GANC: variants seen among roughly 807,000 people sequenced by gnomAD.
The protein encoded by GANC is glucosidase alpha, neutral C.
In GANC, 117 loss-of-function variants were observed where a neutral mutation model predicts 124.2. That is an observed-to-expected ratio of 0.94 (90% CI 0.81 to 1.10). The LOEUF is 1.10. Among genes scored for constraint, GANC ranks in the 50% least tolerant of loss-of-function variants. The pLI is 0.00. For synonymous variants in GANC, 377 were observed against 376.8 expected (o/e 1.00, Z -0.01); for missense variants, 1,140 against 1,095.0 (o/e 1.04, Z -0.58).
At chr15:42,312,427 A>G (rs1190626669) in intron 10 of GANC, among the ~76,000 whole-genome samples, 1 of 152,154 alleles carries the variant, frequency 6.6e-6, no homozygotes, top group Non-Finnish European at 1.5e-5. Flanking sequence ...TCCCTGCACA[A>G]GCACTCTCTT....
At chr15:42,318,742 C>T (rs1372469607) in intron 10 of GANC, among the ~76,000 whole-genome samples, 1 of 152,110 alleles carries the variant, frequency 6.6e-6, no homozygotes, top group Admixed American at 6.5e-5. Flanking sequence ...GCATGTGCCA[C>T]CATGCCCAAC....
At chr15:42,305,351 T>C (rs2051984381) in intron 6 of GANC, among the ~76,000 whole-genome samples, 2 of 152,144 alleles carry the variant, frequency 1.3e-5, no homozygotes, top group South Asian at 4.1e-4. Context: ...CAAAAAAAGC[T>C]CATCATCACT....
In GANC at chr15:42,314,267, A is replaced by G. The variant is rs567639874; in HGVS notation, c.1057+3421A>G. On this transcript the variant is annotated intron_variant, in intron 10 of 23. Coordinates refer to ENST00000318010, the MANE Select transcript of GANC (RefSeq NM_198141.3). Reference sequence around the variant, plus strand: ...TACCCAGCATGGAATTTAAAGCCTGATGAGGAAAGGGGGCATTTTCTCAGC... The same window carrying G: ...TACCCAGCATGGAATTTAAAGCCTGGTGAGGAAAGGGGGCATTTTCTCAGC... The G allele has an allele frequency of 1.1e-5, 7 of 664,080 alleles. No homozygotes were observed. The African/African-American group carries it at 1.1e-4, about 10-fold the overall frequency. The allele number at this position is 664,080 out of a possible 1,614,324, so 41.1% of individuals were successfully genotyped here.
At chr15:42,349,567 A>C in intron 22 of GANC, 72 bp downstream of exon 22, 1 of 769,192 alleles carries the variant, frequency 1.3e-6, no homozygotes, top group Non-Finnish European at 2.2e-6. Flanking sequence ...CTCAAATCAA[A>C]TGCACAGGTA....
chr15:42,346,179 GAT>G (rs1478597229), intron 20 of GANC, among the ~76,000 whole-genome samples: 2 of 152,168 alleles, frequency 1.3e-5, no homozygotes, highest in Non-Finnish European at 2.9e-5. Context: ...ATAAAGGCCT[GAT>G]CTCCAAATAT....
chr15:42,299,757 C>T (rs956667674), intron 6 of GANC, among the ~76,000 whole-genome samples: 15 of 152,082 alleles, frequency 9.9e-5, no homozygotes, highest in African/African-American at 3.4e-4. Context: ...CCAAAACAGA[C>T]ATATAGACCA....
At chr15:42,345,893 C>A in intron 20 of GANC, 61 bp downstream of exon 20, 1 of 1,181,618 alleles carries the variant, frequency 8.5e-7, no homozygotes, top group Non-Finnish European at 1.2e-6. Flanking sequence ...CTAGGGCTGC[C>A]ATGACAAAAT....
intron 21 of GANC, 38 bp from the exon 22 acceptor site, chr15:42,349,345 C>CT (rs2052399062): frequency 8.2e-7 from 1 of 1,223,394 alleles, no homozygotes; most frequent in Non-Finnish European, 1.2e-6. Context: ...GTAAAGCTAT[C>CT]ATATAAGCAC....
At chr15:42,316,796 A>C (rs1481864263) in intron 10 of GANC, among the ~76,000 whole-genome samples, 1 of 152,190 alleles carries the variant, frequency 6.6e-6, no homozygotes, top group African/African-American at 2.4e-5. Context: ...GGGCCTTCCC[A>C]GGTACTGGTG....
intron 3 of GANC, chr15:42,281,023 A>C (rs551352164): frequency 7.1e-6 from 5 of 702,570 alleles, no homozygotes; most frequent in African/African-American, 1.7e-5. Flanking sequence ...CACCTGGCTC[A>C]AAAGGAAGCT....
intron 10 of GANC, among the ~76,000 whole-genome samples, chr15:42,312,096 A>G (rs1024157853): frequency 6.6e-6 from 1 of 152,258 alleles, no homozygotes; most frequent in African/African-American, 2.4e-5. Context: ...TGGCAGTAAT[A>G]TAGAAAGTGA....
At position 42,339,922 on chromosome 15, in the gene GANC, C is replaced by G; in HGVS notation, c.2087+10C>G. 6.2e-7 allele frequency: 1 copy of G among 1,608,674 alleles called. No individual in the cohort carries two copies. The highest frequency in any genetic ancestry group is 2.2e-5 in the East Asian group (1 of 44,766). On this transcript the variant is annotated intron_variant, in intron 17 of 23. Coordinates refer to ENST00000318010, the MANE Select transcript of GANC (RefSeq NM_198141.3). ...CCCAACCTGTCATGAGGTAAAAAAG[C>G]TTCATCCATTCAGGGACCCCAGCAA... is the stretch of plus-strand genomic sequence containing the variant.
rs201431407 is a variant in GANC, at chr15:42,273,368, G to A, written c.-1114G>A. The A allele has an allele frequency of 1.2e-6, 2 of 1,614,092 alleles. No individual in the cohort carries two copies. Among genetic ancestry groups the A allele is most frequent in the East Asian group, 4.5e-5 (2 of 44,880 alleles). On this transcript the variant is annotated 5_prime_UTR_variant, in exon 1 of 24. Transcript: ENST00000318010. ...GCTCCCAGAAGCAGAAGAATGACAG[G>A]CAACACCTGAAGCCACGCAGCCGCC...
In GANC at chr15:42,273,243, G is replaced by A. The variant is rs1357050052; in HGVS notation, c.-1239G>A. The A allele has an allele frequency of 3.1e-6, 5 of 1,613,902 alleles. No individual in the cohort carries two copies. Among genetic ancestry groups the A allele is most frequent in the Non-Finnish European group, 3.4e-6 (4 of 1,179,978 alleles). ...TCCTCTAGGTTCAGACGTTAGTGAAGTGAATACTCACCGACGGTATCGGAA... is the reference window on the plus strand; with the variant it reads ...TCCTCTAGGTTCAGACGTTAGTGAAATGAATACTCACCGACGGTATCGGAA... On this transcript the variant is annotated 5_prime_UTR_variant, in exon 1 of 24. The change creates a new upstream start codon in the 5' untranslated region. Coordinates refer to ENST00000318010, the MANE Select transcript of GANC (RefSeq NM_198141.3).
intron 15 of GANC, among the ~76,000 whole-genome samples, chr15:42,331,536 G>A (rs1398275578): frequency 2.6e-5 from 4 of 152,160 alleles, no homozygotes. Flanking sequence ...TTAGATCCTA[G>A]TTTAAAGAAT....
In GANC at chr15:42,353,069, G is replaced by A. The variant is rs2052471024; in HGVS notation, c.*930G>A. 1 of 936,000 alleles carries A rather than the reference G, an allele frequency of 1.1e-6. No homozygotes were observed. Among genetic ancestry groups the A allele is most frequent in the Non-Finnish European group, 1.3e-6 (1 of 784,662 alleles). The allele number at this position is 936,000 out of a possible 1,614,324, so 58.0% of individuals were successfully genotyped here. On this transcript the variant is annotated 3_prime_UTR_variant, in exon 24 of 24. Transcript: ENST00000318010. ...ATATTAAAATTTAAAATAAAGACAG[G>A]ATTAGTATTACTGAGTTTTCCTTTT...
At chr15:42,342,395 A>G (rs953105542) in intron 18 of GANC, among the ~76,000 whole-genome samples, 2 of 152,134 alleles carry the variant, frequency 1.3e-5, no homozygotes, top group Admixed American at 1.3e-4. Flanking sequence ...TAGCCTGGGC[A>G]ATATAGCAAG....
intron 15 of GANC, among the ~76,000 whole-genome samples, chr15:42,334,240 C>T (rs938454553): frequency 1.5e-4 from 23 of 151,648 alleles, no homozygotes; most frequent in South Asian, 2.1e-4. Context: ...CAGATCACTG[C>T]AACCTCCACC....
chr15:42,306,764 G>A (rs1271078530), intron 7 of GANC, 152 bp downstream of exon 7: 2 of 596,914 alleles, frequency 3.4e-6, no homozygotes, highest in Middle Eastern at 4.6e-4. Context: ...CTTCAGTAAT[G>A]CATTGCATCA....
Sources: allele counts gnomAD v4.1 joint callset (sites outside exome capture counted in the v4.1 genomes callset), GRCh38; gene constraint gnomAD v4.1.1; transcripts MANE v1.5; gene names NCBI Gene and HGNC (gene_info 2026-07-23, HGNC 2026-07-21).